DPH6: variants seen among roughly 807,000 people sequenced by gnomAD.
The protein encoded by DPH6 is diphthamine biosynthesis 6, also known as diphthine--ammonia ligase.
A neutral mutation model predicts 38.2 loss-of-function variants in DPH6; 33 were observed. The observed-to-expected ratio is 0.86, with a 90% CI of 0.65 to 1.15. The LOEUF is 1.15. Ranked by LOEUF, DPH6 falls within the 50% of genes most tolerant of loss-of-function variation. The pLI, the probability that DPH6 is intolerant of heterozygous loss-of-function variation, is 0.00. For missense variants in DPH6, 325 were observed against 320.0 expected (o/e 1.02, Z -0.12); for synonymous variants, 108 against 103.0 (o/e 1.05, Z -0.30).
At chr15:35,489,592 C>A in intron 3 of DPH6, 1 of 982,554 alleles carries the variant, frequency 1.0e-6, no homozygotes, top group Non-Finnish European at 1.2e-6. Context: ...ATAAAAAATA[C>A]CTACCCAAGA....
chr15:35,344,175 A>T (rs2052444011), intron 3 of DPH6, among the ~76,000 whole-genome samples: 1 of 152,030 alleles, frequency 6.6e-6, no homozygotes, highest in African/African-American at 2.4e-5. Flanking sequence ...CTGATGATAA[A>T]GAGAAGCCAG....
intron 5 of DPH6, among the ~76,000 whole-genome samples, chr15:35,414,123 C>T (rs927031142): frequency 7.2e-4 from 108 of 149,584 alleles, no homozygotes; most frequent in African/African-American, 2.5e-3. Flanking sequence ...AACATATTTA[C>T]AATGTTTATG....
intron 3 of DPH6, among the ~76,000 whole-genome samples, chr15:35,332,495 G>C (rs1160204831): frequency 1.3e-5 from 2 of 152,036 alleles, no homozygotes; most frequent in Non-Finnish European, 2.9e-5. Context: ...TTTTTCAACT[G>C]GTTGTTTTAG....
At chr15:35,171,493 G>C in the DPH6 span, among the ~76,000 whole-genome samples, 2 of 152,268 alleles carry the variant, frequency 1.3e-5, no homozygotes, top group South Asian at 4.1e-4. Flanking sequence ...CAGTTAATTA[G>C]CTCTTAATTA....
At chr15:35,395,474 T>C (rs958036886) in intron 6 of DPH6, among the ~76,000 whole-genome samples, 1 of 152,370 alleles carries the variant, frequency 6.6e-6, no homozygotes, top group East Asian at 1.9e-4. Flanking sequence ...TCTTCATGAA[T>C]GGGCCTTACA....
Position 35,392,171 on chromosome 15 carries a change from T to C in DPH6, c.568-10255A>G, listed in dbSNP as rs145415716. Reference sequence around the variant, plus strand: ...CAGCATTTTAAAAATGAATTCCTAGTAAATTAAAAAGAAATTACTTACATG... The same window carrying C: ...CAGCATTTTAAAAATGAATTCCTAGCAAATTAAAAAGAAATTACTTACATG... On this transcript the variant is annotated intron_variant, in intron 6 of 8. Coordinates refer to ENST00000256538, the MANE Select transcript of DPH6 (RefSeq NM_080650.4). 1.1e-4 allele frequency among the ~76,000 whole-genome samples: 17 copies of C among 152,324 alleles called. No individual in the cohort carries two copies. The East Asian group carries it at 3.3e-3, about 29-fold the overall frequency.
chr15:35,312,010 G>GAAAAAAAA (rs10573455), intron 3 of DPH6, among the ~76,000 whole-genome samples: 19 of 102,128 alleles, frequency 1.9e-4, no homozygotes, highest in Non-Finnish European at 2.7e-4. Flanking sequence ...TTAAGAAAAT[G>GAAAAAAAA]AAAAAAAAAA....
At chr15:35,370,833 T>C (rs2052704896), downstream of DPH6, 2 of 151,706 alleles carry the variant, frequency 1.3e-5, no homozygotes, top group Non-Finnish European at 3.0e-5. Flanking sequence ...ATTGTGCTCC[T>C]TGGTATTTAT....
At chr15:35,298,690 C>T in intron 3 of DPH6, 1 of 1,574,386 alleles carries the variant, frequency 6.4e-7, no homozygotes, top group Non-Finnish European at 8.7e-7. Context: ...CATGCTTCCC[C>T]AGACCCTGGC....
intron 4 of DPH6, among the ~76,000 whole-genome samples, chr15:35,451,996 C>T (rs1412069806): frequency 6.6e-6 from 1 of 152,068 alleles, no homozygotes; most frequent in East Asian, 1.9e-4. Context: ...GGCGACAGAG[C>T]GAGACTCTGT....
At chr15:35,451,358 T>A (rs111269518) in intron 4 of DPH6, among the ~76,000 whole-genome samples, 12 of 152,144 alleles carry the variant, frequency 7.9e-5, no homozygotes, top group African/African-American at 2.7e-4. Flanking sequence ...GGTTTTGGAG[T>A]GAAGACACAT....
intron 3 of DPH6, among the ~76,000 whole-genome samples, chr15:35,528,097 T>A (rs2055032219): frequency 6.6e-6 from 1 of 152,174 alleles, no homozygotes; most frequent in South Asian, 2.1e-4. Flanking sequence ...TCAAAAATAA[T>A]GCAATAATTT....
chr15:35,373,464 C>T (rs958576294), intron 8 of DPH6, 57 bp downstream of exon 8: 1 of 1,453,918 alleles, frequency 6.9e-7, no homozygotes, highest in African/African-American at 1.4e-5. Flanking sequence ...ATATGCAAAG[C>T]CAATGTATAT....
At chr15:35,244,706 T>C (rs2051624027) in intron 3 of DPH6, among the ~76,000 whole-genome samples, 1 of 152,124 alleles carries the variant, frequency 6.6e-6, no homozygotes, top group African/African-American at 2.4e-5. Context: ...TTAAAACAAC[T>C]TTGGATTGTG....
At chr15:35,446,396 A>G (rs1188647248) in intron 5 of DPH6, among the ~76,000 whole-genome samples, 1 of 151,728 alleles carries the variant, frequency 6.6e-6, no homozygotes, top group East Asian at 1.9e-4. Flanking sequence ...ATGCCCAGCT[A>G]ATTTTTAAAC....
At chr15:35,502,032 A>T (rs1338584367) in intron 3 of DPH6, among the ~76,000 whole-genome samples, 1 of 152,200 alleles carries the variant, frequency 6.6e-6, no homozygotes, top group Non-Finnish European at 1.5e-5. Context: ...ACTGGAAAAC[A>T]ATAAAATTGA....
Position 35,365,048 on chromosome 15 carries a change from A to C in DPH6, n.207+8473T>G, listed in dbSNP as rs1459824268. Among the ~76,000 whole-genome samples, 3 of 152,156 alleles carry C rather than the reference A, an allele frequency of 2.0e-5. No homozygotes were observed. The East Asian group carries it at 5.8e-4, about 29-fold the overall frequency. On this transcript the variant is annotated intron_variant and non_coding_transcript_variant, in intron 3 of 3. Coordinates refer to the DPH6 transcript ENST00000558973. ...ATTGCTCTCTGGCTATATCTACAAG[A>C]TATTGGAAAGACCTTAACCCCTTTT...
chr15:35,293,387 T>C (rs574391600), intron 3 of DPH6, among the ~76,000 whole-genome samples: 38 of 152,328 alleles, frequency 2.5e-4, no homozygotes, highest in African/African-American at 5.3e-4. Context: ...CTGTATGCCA[T>C]TGAAATTCAT....
chr15:35,219,665 A>G (rs1458229985), exon 4 of DPH6: 3 of 152,210 alleles, frequency 2.0e-5, no homozygotes, highest in Admixed American at 6.5e-5. Flanking sequence ...GTAATAAAAA[A>G]TATGTTTTTG....
Sources: allele counts gnomAD v4.1 joint callset (sites outside exome capture counted in the v4.1 genomes callset), GRCh38; gene constraint gnomAD v4.1.1; transcripts MANE v1.5; gene names NCBI Gene and HGNC (gene_info 2026-07-23, HGNC 2026-07-21).